Variants in ZSCAN25 observed in about 807,000 individuals in gnomAD.
The protein encoded by ZSCAN25 is zinc finger and SCAN domain containing 25.
A neutral mutation model predicts 38.7 loss-of-function variants in ZSCAN25; 27 were observed. That is an observed-to-expected ratio of 0.70 (90% CI 0.51 to 0.96). The LOEUF (loss-of-function observed/expected upper bound fraction) is 0.96. Among genes scored for constraint, ZSCAN25 ranks in the 40% least tolerant of loss-of-function variants. ZSCAN25 has a pLI of 0.00. For synonymous variants in ZSCAN25, 273 were observed against 277.7 expected (o/e 0.98, Z 0.17); for missense variants, 637 against 705.9 (o/e 0.90, Z 1.11).
chr7:99,714,604 G>A, the ZSCAN25 span: 2 of 1,607,650 alleles, frequency 1.2e-6, no homozygotes, highest in South Asian at 1.1e-5. Flanking sequence ...TACAGATTTT[G>A]TTAGAAAACT....
chr7:99,674,534 C>G, the ZSCAN25 span: 1 of 1,613,502 alleles, frequency 6.2e-7, no homozygotes, highest in East Asian at 2.2e-5. Context: ...AATACTCACC[C>G]CCACATTTTT....
the ZSCAN25 span, among the ~76,000 whole-genome samples, chr7:99,643,631 A>G: frequency 6.6e-6 from 1 of 151,906 alleles, no homozygotes; most frequent in African/African-American, 2.4e-5. Context: ...CCTGCCAATC[A>G]TCCCAACCCC....
the ZSCAN25 span, among the ~76,000 whole-genome samples, chr7:99,678,482 G>A: frequency 1.2e-3 from 175 of 152,166 alleles, 3 homozygotes; most frequent in East Asian, 0.027. Context: ...ATAAATGGCC[G>A]GACAGGTATA....
chr7:99,715,280 T>A, the ZSCAN25 span: 2 of 179,220 alleles, frequency 1.1e-5, no homozygotes, highest in Non-Finnish European at 2.4e-5. Flanking sequence ...CAGAGGGAAA[T>A]TTATAGTTGT....
the ZSCAN25 span, among the ~76,000 whole-genome samples, chr7:99,699,664 G>A: frequency 1.3e-5 from 2 of 151,986 alleles, no homozygotes; most frequent in Admixed American, 6.6e-5. Context: ...GCCTTTGCTG[G>A]GTTTTCATTT....
chr7:99,666,533 C>G, the ZSCAN25 span: 1 of 1,513,032 alleles, frequency 6.6e-7, no homozygotes, highest in Non-Finnish European at 9.2e-7. Context: ...GTGCGACTGT[C>G]GACTCCATGG....
chr7:99,701,577 A>G, the ZSCAN25 span, among the ~76,000 whole-genome samples: 1 of 152,170 alleles, frequency 6.6e-6, no homozygotes, highest in South Asian at 2.1e-4. Flanking sequence ...AGTGTACGAG[A>G]ATTCCCTTTT....
Position 99,630,033 on chromosome 7 carries a change from G to T in ZSCAN25, c.*13G>T, listed in dbSNP as rs1807870063. On this transcript the variant is annotated 3_prime_UTR_variant, in exon 8 of 8. Transcript: ENST00000394152. ...GCTGGTGCAGTGAGCATAGCAGGTG[G>T]CAGGCAGCACCATCATTCATCTTTC... 1 of 1,506,398 alleles carries T rather than the reference G, an allele frequency of 6.6e-7. No homozygotes were observed. The highest frequency in any genetic ancestry group is 8.9e-7 in the Non-Finnish European group (1 of 1,126,474). 93.3% of individuals were successfully genotyped at this position (1,506,398 alleles called of 1,614,324 possible).
chr7:99,662,829 A>C, the ZSCAN25 span: 1 of 1,613,980 alleles, frequency 6.2e-7, no homozygotes, highest in Non-Finnish European at 8.5e-7. This position sits in a 1 kb window ranked among gnomAD's most constrained non-coding sequence, Gnocchi z 4.3. Flanking sequence ...TGTGGGACTC[A>C]GTTTCTTTCG....
At chr7:99,638,255 A>G in the ZSCAN25 span, 1 of 1,582,520 alleles carries the variant, frequency 6.3e-7, no homozygotes, top group Non-Finnish European at 8.6e-7. Flanking sequence ...ATTTGTAGTT[A>G]GAGGTTAACC....
At chr7:99,672,837 A>T in the ZSCAN25 span, 1 of 1,449,570 alleles carries the variant, frequency 6.9e-7, no homozygotes, top group Non-Finnish European at 9.1e-7. Flanking sequence ...AGGGTGTGAC[A>T]CACAGCAAGA....
chr7:99,714,564 CT>C, the ZSCAN25 span: 2 of 1,612,816 alleles, frequency 1.2e-6, no homozygotes, highest in Non-Finnish European at 1.7e-6. Context: ...CCTTTTGTGT[CT>C]CTTTGAGGCG....
At chr7:99,638,463 T>A in the ZSCAN25 span, 21 of 1,541,848 alleles carry the variant, frequency 1.4e-5, no homozygotes, top group Non-Finnish European at 1.9e-5. Flanking sequence ...GTGGTGCAGC[T>A]CCTGGCAAGC....
Position 99,631,978 on chromosome 7 carries a change from CT to C in ZSCAN25, c.*1960del. 1.0e-6 allele frequency: 1 copy of C among 985,474 alleles called. No homozygotes were observed. The highest frequency in any genetic ancestry group is 1.1e-4 in the East Asian group (1 of 8,822). 61.0% of individuals were successfully genotyped at this position (985,474 alleles called of 1,614,324 possible). On this transcript the variant is annotated 3_prime_UTR_variant, in exon 8 of 8. Coordinates refer to ENST00000394152, the MANE Select transcript of ZSCAN25 (RefSeq NM_145115.3). ...GGGAGGCTTCTGGCCTGAGTGTGGCCTTCCCCAGAGGGTGGTTTTCCAAAGG... is the reference window on the plus strand; with the variant it reads ...GGGAGGCTTCTGGCCTGAGTGTGGCCTCCCCAGAGGGTGGTTTTCCAAAGG...
chr7:99,650,689 CTCT>C, the ZSCAN25 span, among the ~76,000 whole-genome samples: 10 of 152,102 alleles, frequency 6.6e-5, no homozygotes, highest in African/African-American at 2.4e-4. Context: ...CTCCTGTCAT[CTCT>C]TTTTTTCTAA....
chr7:99,664,746 A>G, the ZSCAN25 span, among the ~76,000 whole-genome samples: 2 of 152,310 alleles, frequency 1.3e-5, no homozygotes. Flanking sequence ...AATTGATTAT[A>G]ATTATTTACA....
the ZSCAN25 span, among the ~76,000 whole-genome samples, chr7:99,702,084 T>C: frequency 8.4e-6 from 1 of 119,126 alleles, no homozygotes; most frequent in South Asian, 3.1e-4. Context: ...AGATCTTAGA[T>C]TTCAGTCTTT....
chr7:99,715,950 A>G, the ZSCAN25 span: 2 of 1,612,364 alleles, frequency 1.2e-6, no homozygotes, highest in African/African-American at 2.7e-5. Context: ...GCACCTCTTT[A>G]CCATCCTTCC....
the ZSCAN25 span, chr7:99,674,610 T>C: frequency 3.1e-6 from 5 of 1,599,002 alleles, no homozygotes; most frequent in East Asian, 6.7e-5. Context: ...AAAATACAAG[T>C]TGATTATTAT....
Sources: allele counts gnomAD v4.1 joint callset (sites outside exome capture counted in the v4.1 genomes callset), GRCh38; gene constraint gnomAD v4.1.1; non-coding constraint Gnocchi (gnomAD v3.1); transcripts MANE v1.5; gene names NCBI Gene and HGNC (gene_info 2026-07-23, HGNC 2026-07-21).